The following DLC1 variants were observed in gnomAD, a reference collection of about 807,000 sequenced individuals.
The protein encoded by DLC1 is rho GTPase-activating protein 7.
In DLC1, 54 loss-of-function variants were observed where a neutral mutation model predicts 140.3. The observed-to-expected ratio is 0.38, with a 90% confidence interval of 0.31 to 0.48. The LOEUF is 0.48. DLC1 is among the 20% of genes least tolerant of loss of function. The pLI is 0.96. For synonymous variants in DLC1, 986 were observed against 728.1 expected (o/e 1.35, Z -5.70); for missense variants, 2,536 against 1,907.0 (o/e 1.33, Z -6.14).
intron 4 of DLC1, among the ~76,000 whole-genome samples, chr8:13,316,727 T>C (rs1438569449): frequency 6.6e-6 from 1 of 152,168 alleles, no homozygotes; most frequent in East Asian, 1.9e-4. Flanking sequence ...GATTTTCTCC[T>C]CTCTGGGTTC....
At chr8:13,448,450 A>T (rs1321221709) in intron 2 of DLC1, among the ~76,000 whole-genome samples, 2 of 149,432 alleles carry the variant, frequency 1.3e-5, no homozygotes, top group East Asian at 3.9e-4. Context: ...TGCAACCTCC[A>T]CCTCCTGGTT....
chr8:13,501,556 C>A (rs897307497), intron 1 of DLC1, among the ~76,000 whole-genome samples: 1 of 152,124 alleles, frequency 6.6e-6, no homozygotes, highest in African/African-American at 2.4e-5. Flanking sequence ...TTAGTCTATT[C>A]TATTGTAAAG....
At chr8:13,432,094 GAAAATGATGGAGCAAATCAAAC>G (rs552723731) in intron 2 of DLC1, among the ~76,000 whole-genome samples, 106 of 152,198 alleles carry the variant, frequency 7.0e-4, no homozygotes, top group African/African-American at 2.4e-3. Context: ...GTTGATATTT[GAAAATGATGGAGCAAATCAAAC>G]AAAATCTAAA....
At chr8:13,454,268 T>C (rs1035916816) in intron 2 of DLC1, among the ~76,000 whole-genome samples, 1 of 151,660 alleles carries the variant, frequency 6.6e-6, no homozygotes, top group African/African-American at 2.4e-5. Context: ...AAAACCAGCA[T>C]GAAATATGAG....
At chr8:13,201,825 A>G (rs925220067) in intron 5 of DLC1, among the ~76,000 whole-genome samples, 3 of 150,914 alleles carry the variant, frequency 2.0e-5, no homozygotes, top group Non-Finnish European at 4.4e-5. Context: ...GTTCAGGGGT[A>G]TATACATGCC....
At chr8:13,496,813 TTTTTTG>T (rs1801534304) in intron 2 of DLC1, among the ~76,000 whole-genome samples, 11 of 15,548 alleles carry the variant, frequency 7.1e-4, no homozygotes, top group South Asian at 1.7e-3. Context: ...TTTTTTTTTT[TTTTTTG>T]AGATGGAGTT....
chr8:13,213,560 G>A (rs371240071), intron 5 of DLC1, among the ~76,000 whole-genome samples: 159 of 152,230 alleles, frequency 1.0e-3, no homozygotes, highest in African/African-American at 3.7e-3. Flanking sequence ...GGCTTTTTGC[G>A]TGAATTAAAT....
At chr8:13,299,633 C>T (rs1832102294) in intron 5 of DLC1, among the ~76,000 whole-genome samples, 2 of 151,660 alleles carry the variant, frequency 1.3e-5, no homozygotes, top group African/African-American at 4.8e-5. Flanking sequence ...TTTGAGCAAC[C>T]AACAAACAAA....
upstream of DLC1, chr8:13,515,775 A>C (rs1043883422): frequency 1.3e-5 from 2 of 152,196 alleles, no homozygotes; most frequent in Non-Finnish European, 2.9e-5. Flanking sequence ...ACTCTGGAGA[A>C]TTTAGGGAAT....
chr8:13,323,363 A>G (rs1378503996), intron 4 of DLC1, among the ~76,000 whole-genome samples: 1 of 152,236 alleles, frequency 6.6e-6, no homozygotes, highest in Admixed American at 6.5e-5. Flanking sequence ...CTCCTTTAGA[A>G]GATGGTTTTG....
rs188070810 is a variant in DLC1, at chr8:13,385,200, T to C, written c.1314+8353A>G. Among the ~76,000 whole-genome samples, 228 of 152,254 alleles carry C rather than the reference T, an allele frequency of 1.5e-3. 1 individual carries two copies. The highest frequency in any genetic ancestry group is 2.7e-3 in the Non-Finnish European group (186 of 68,038). On this transcript the variant is annotated intron_variant, in intron 4 of 17. Coordinates refer to ENST00000276297, the MANE Select transcript of DLC1 (RefSeq NM_182643.3). ...ATAACTAATTTGGTAAATGCTTATCTAGTAAATTACTACAGTCCTGATACA... is the reference window on the plus strand; with the variant it reads ...ATAACTAATTTGGTAAATGCTTATCCAGTAAATTACTACAGTCCTGATACA...
intron 2 of DLC1, among the ~76,000 whole-genome samples, chr8:13,422,616 A>C (rs1015840426): frequency 2.0e-5 from 3 of 152,166 alleles, no homozygotes. Context: ...ATCTTGGAGC[A>C]AATTTGTCAC....
chr8:13,144,699 A>C (rs1823288486), intron 5 of DLC1, among the ~76,000 whole-genome samples: 1 of 152,216 alleles, frequency 6.6e-6, no homozygotes, highest in Non-Finnish European at 1.5e-5. Context: ...AGAGAGGCAG[A>C]GCTTGCAGTG....
intron 5 of DLC1, among the ~76,000 whole-genome samples, chr8:13,131,630 G>A (rs1822093402): frequency 6.6e-6 from 1 of 152,176 alleles, no homozygotes; most frequent in Non-Finnish European, 1.5e-5. Flanking sequence ...CTTCTGCGGT[G>A]ATTAGCACAC....
intron 5 of DLC1, among the ~76,000 whole-genome samples, chr8:13,126,131 A>C (rs1821540605): frequency 6.6e-6 from 1 of 152,180 alleles, no homozygotes; most frequent in African/African-American, 2.4e-5. Flanking sequence ...CCCATGAGGG[A>C]CATGGCTCCA....
At chr8:13,336,187 T>C (rs1306478879) in intron 4 of DLC1, among the ~76,000 whole-genome samples, 1 of 152,120 alleles carries the variant, frequency 6.6e-6, no homozygotes, top group Non-Finnish European at 1.5e-5. Context: ...TTGAAGCATA[T>C]TCCATTATTT....
chr8:13,583,695 T>C (rs1187249421), intron 1 of DLC1, among the ~76,000 whole-genome samples: 1 of 152,150 alleles, frequency 6.6e-6, no homozygotes, highest in Non-Finnish European at 1.5e-5. Flanking sequence ...TTTAGCGAAA[T>C]ATCGATTAAA....
chr8:13,590,550 A>G (rs1177220191), intron 1 of DLC1, among the ~76,000 whole-genome samples: 4 of 151,978 alleles, frequency 2.6e-5, no homozygotes, highest in Admixed American at 2.0e-4. Context: ...ATCCCTCATA[A>G]TATGCTTGGC....
chr8:13,466,823 A>T (rs1000628868), intron 2 of DLC1, among the ~76,000 whole-genome samples: 1 of 152,188 alleles, frequency 6.6e-6, no homozygotes, highest in African/African-American at 2.4e-5. Flanking sequence ...AACTTGCTGG[A>T]AATTAGAGAA....
Sources: gnomAD v4.1 joint callset for allele counts (sites outside exome capture counted in the v4.1 genomes callset) on GRCh38, gnomAD v4.1.1 for gene constraint, MANE v1.5 for transcripts, NCBI Gene and HGNC (gene_info 2026-07-23, HGNC 2026-07-21) for gene names.